Variants in CHCHD4 observed in about 807,000 individuals in gnomAD.
CHCHD4 encodes coiled-coil-helix-coiled-coil-helix domain containing 4.
A neutral mutation model predicts 12.4 loss-of-function variants in CHCHD4; 7 were observed. The ratio of observed to expected loss-of-function variants is 0.57; its 90% confidence interval spans 0.32 to 1.06. CHCHD4 has a LOEUF of 1.06. Among genes scored for constraint, CHCHD4 ranks in the 50% least tolerant of loss-of-function variants. CHCHD4 has a pLI of 0.04. For synonymous variants in CHCHD4, 56 were observed against 58.0 expected (o/e 0.97, Z 0.16); for missense variants, 143 against 175.1 (o/e 0.82, Z 1.03).
intron 1 of CHCHD4, among the ~76,000 whole-genome samples, chr3:14,118,522 T>TA (rs1365346753): frequency 1.3e-5 from 2 of 152,182 alleles, no homozygotes; most frequent in African/African-American, 4.8e-5. Flanking sequence ...TTTGGTGCCT[T>TA]ACGCCATGCC....
chr3:14,121,768 G>T, intron 1 of CHCHD4: 1 of 1,390,650 alleles, frequency 7.2e-7, no homozygotes, highest in Non-Finnish European at 9.8e-7. Flanking sequence ...TGATAAATCT[G>T]ACTGCTAAGG....
intron 1 of CHCHD4, among the ~76,000 whole-genome samples, chr3:14,123,058 G>A (rs755796422): frequency 4.8e-4 from 73 of 152,132 alleles, no homozygotes; most frequent in Admixed American, 4.3e-3. Flanking sequence ...AGGGGGGGAA[G>A]TTAGGGACTT....
At chr3:14,115,649 T>C (rs1190865029) in intron 2 of CHCHD4, among the ~76,000 whole-genome samples, 2 of 152,190 alleles carry the variant, frequency 1.3e-5, no homozygotes, top group African/African-American at 4.8e-5. Context: ...ACACATCAGT[T>C]AGCATTTGAG....
chr3:14,120,039 C>A (rs1694915988), intron 1 of CHCHD4, among the ~76,000 whole-genome samples: 1 of 152,114 alleles, frequency 6.6e-6, no homozygotes, highest in South Asian at 2.1e-4. Context: ...TCTGACTTAA[C>A]CAGTGAAGAA....
intron 2 of CHCHD4, 56 bp downstream of exon 2, chr3:14,116,370 C>T (rs1694875671): frequency 6.8e-6 from 8 of 1,184,676 alleles, no homozygotes; most frequent in Middle Eastern, 1.9e-4. Context: ...ATTAAGAACA[C>T]TGAGCTTCTC....
At chr3:14,118,846 A>G (rs903945995) in intron 1 of CHCHD4, among the ~76,000 whole-genome samples, 2 of 152,228 alleles carry the variant, frequency 1.3e-5, no homozygotes, top group Admixed American at 6.5e-5. Flanking sequence ...AAATTTCGCA[A>G]CTCAGCTCTG....
rs540661166 is a variant in CHCHD4, at chr3:14,124,643, C to A, written c.22+12G>T. 3 of 1,514,888 alleles carry A rather than the reference C, an allele frequency of 2.0e-6. No individual in the cohort carries two copies. The highest frequency in any genetic ancestry group is 2.8e-5 in the East Asian group (1 of 36,326). The allele number at this position is 1,514,888 out of a possible 1,614,324, so 93.8% of individuals were successfully genotyped here. The stretch of plus-strand genomic sequence containing the variant: ...TCGTAGGCCGGTCTCCGTGGCAGCC[C>A]GCCCTCCCTACCTTCCTGCCGGCAA... On this transcript the variant is annotated intron_variant, in intron 1 of 2. Coordinates refer to ENST00000396914, the MANE Select transcript of CHCHD4 (RefSeq NM_001098502.2).
chr3:14,121,853 CA>C (rs1335061116), intron 1 of CHCHD4: 38 of 1,612,882 alleles, frequency 2.4e-5, no homozygotes, highest in Non-Finnish European at 3.1e-5. Context: ...GTGAAGAATA[CA>C]CAAATGGCTT....
At chr3:14,113,399 C>G (rs1399447667) in intron 2 of CHCHD4, among the ~76,000 whole-genome samples, 1 of 152,170 alleles carries the variant, frequency 6.6e-6, no homozygotes, top group Non-Finnish European at 1.5e-5. Flanking sequence ...ACATATTTCT[C>G]CACGTGTGAC....
At chr3:14,121,808 A>G in intron 1 of CHCHD4, 1 of 1,580,224 alleles carries the variant, frequency 6.3e-7, no homozygotes. Flanking sequence ...AACCCCTTTG[A>G]AAGATACAAC....
In CHCHD4 at chr3:14,112,875, T is replaced by C. The variant is rs375766957; in HGVS notation, c.*12A>G. ...TCCAAAAGGACTGGTGCCCAGTGCC[T>C]TGTGGCCTTCATTAACTTGATCCCT... On this transcript the variant is annotated 3_prime_UTR_variant, in exon 3 of 3. Transcript: ENST00000396914. 3 of 1,604,722 alleles carry C rather than the reference T, an allele frequency of 1.9e-6. No individual in the cohort carries two copies. In the Admixed American group the frequency reaches 5.1e-5, roughly 27 times the overall value.
chr3:14,113,410 A>G (rs899970581), intron 2 of CHCHD4, among the ~76,000 whole-genome samples: 5 of 152,176 alleles, frequency 3.3e-5, no homozygotes, highest in African/African-American at 1.2e-4. Context: ...CACGTGTGAC[A>G]CTAATTTATT....
chr3:14,112,478 T>C lies in CHCHD4; in HGVS notation c.*409A>G, dbSNP rs920534104. ...AGATATGGCCCCATCCCAGCATTTT[T>C]AAGAGATGTTTTTGTTGTATTATTT... is the stretch of plus-strand genomic sequence containing the variant. On this transcript the variant is annotated 3_prime_UTR_variant, in exon 3 of 3. Transcript: ENST00000396914. 1.2e-4 allele frequency: 19 copies of C among 165,126 alleles called. No homozygotes were observed. The highest frequency in any genetic ancestry group is 4.5e-4 in the African/African-American group (19 of 41,868). 10.2% of individuals were successfully genotyped at this position (165,126 alleles called of 1,614,324 possible).
chr3:14,117,706 C>T (rs1694890336), intron 1 of CHCHD4, among the ~76,000 whole-genome samples: 1 of 152,144 alleles, frequency 6.6e-6, no homozygotes, highest in South Asian at 2.1e-4. Context: ...TTTGGTCCTC[C>T]GTGTGAGCTC....
chr3:14,121,258 T>C (rs926595665), intron 1 of CHCHD4, among the ~76,000 whole-genome samples: 1 of 152,144 alleles, frequency 6.6e-6, no homozygotes, highest in African/African-American at 2.4e-5. Flanking sequence ...TGCTTGTAGT[T>C]AGAAGAGAAG....
intron 2 of CHCHD4, among the ~76,000 whole-genome samples, chr3:14,114,655 GTTGA>G (rs1694857945): frequency 6.6e-6 from 1 of 152,036 alleles, no homozygotes; most frequent in Non-Finnish European, 1.5e-5. Context: ...TGACCAGGTG[GTTGA>G]TTAAAAAAAA....
chr3:14,115,281 C>T (rs1694865852), intron 2 of CHCHD4, among the ~76,000 whole-genome samples: 1 of 145,280 alleles, frequency 6.9e-6, no homozygotes, highest in South Asian at 2.1e-4. Flanking sequence ...AAAAAAACAA[C>T]AGGGACAGGA....
At chr3:14,113,559 T>C (rs1270845872) in intron 2 of CHCHD4, among the ~76,000 whole-genome samples, 4 of 152,278 alleles carry the variant, frequency 2.6e-5, no homozygotes, top group East Asian at 1.9e-4. Context: ...AACTGAGGTA[T>C]TGATCTCCTC....
At chr3:14,122,364 A>G (rs1694944474) in intron 1 of CHCHD4, among the ~76,000 whole-genome samples, 1 of 152,240 alleles carries the variant, frequency 6.6e-6, no homozygotes, top group Non-Finnish European at 1.5e-5. Flanking sequence ...GCTCACCACT[A>G]TATGCCCAAT....
Sources: allele counts gnomAD v4.1 joint callset (sites outside exome capture counted in the v4.1 genomes callset), GRCh38; gene constraint gnomAD v4.1.1; transcripts MANE v1.5; gene names NCBI Gene and HGNC (gene_info 2026-07-23, HGNC 2026-07-21).